Variants in CDH13 observed in about 807,000 individuals in gnomAD.
The protein encoded by CDH13 is cadherin-13.
Under a neutral mutation model 63.8 loss-of-function variants are expected in CDH13, and 24 were observed. The observed-to-expected ratio is 0.38, with a 90% CI of 0.27 to 0.53. The LOEUF (loss-of-function observed/expected upper bound fraction) is 0.53. Ranked by LOEUF, CDH13 falls within the 20% of genes least tolerant of loss-of-function variation. The pLI is 0.85. For missense variants in CDH13, 1,049 were observed against 903.1 expected (o/e 1.16, Z -2.07); for synonymous variants, 503 against 355.3 (o/e 1.42, Z -4.67).
chr16:82,939,305 T>A (rs1292914795), intron 2 of CDH13, among the ~76,000 whole-genome samples: 1 of 151,982 alleles, frequency 6.6e-6, no homozygotes, highest in Non-Finnish European at 1.5e-5. Flanking sequence ...CACCTGTAGT[T>A]CCAGCTACTC....
chr16:82,911,045 G>C (rs1384681879), intron 2 of CDH13, among the ~76,000 whole-genome samples: 1 of 152,158 alleles, frequency 6.6e-6, no homozygotes, highest in African/African-American at 2.4e-5. Flanking sequence ...GAGTAAGGCA[G>C]ACCCATCCCA....
At chr16:82,979,364 C>A (rs1405324611) in intron 2 of CDH13, among the ~76,000 whole-genome samples, 1 of 152,002 alleles carries the variant, frequency 6.6e-6, no homozygotes, top group Non-Finnish European at 1.5e-5. Flanking sequence ...AGAGTAGGGG[C>A]AGAGTGATAT....
chr16:83,292,711 C>CT (rs1385811375), intron 5 of CDH13, among the ~76,000 whole-genome samples: 3 of 152,078 alleles, frequency 2.0e-5, no homozygotes, highest in African/African-American at 7.2e-5. Flanking sequence ...AAACAACAAC[C>CT]ATGATCAGGT....
intron 13 of CDH13, among the ~76,000 whole-genome samples, chr16:83,787,800 AG>A (rs1378108709): frequency 6.6e-6 from 1 of 152,162 alleles, no homozygotes; most frequent in Non-Finnish European, 1.5e-5. Flanking sequence ...AAAATTAGCC[AG>A]GCGTGGTGGC....
At chr16:82,634,680 A>C (rs1215694387) in intron 1 of CDH13, among the ~76,000 whole-genome samples, 1 of 152,242 alleles carries the variant, frequency 6.6e-6, no homozygotes, top group Non-Finnish European at 1.5e-5. Flanking sequence ...GAAAGTATTT[A>C]CTATTTAGTC....
intron 2 of CDH13, among the ~76,000 whole-genome samples, chr16:82,877,326 T>G (rs148496655): frequency 1.3e-5 from 2 of 152,238 alleles, no homozygotes; most frequent in African/African-American, 4.8e-5. Context: ...TAAATTGATA[T>G]GCATGGATTG....
intron 1 of CDH13, among the ~76,000 whole-genome samples, chr16:82,678,189 T>A (rs1408785314): frequency 3.3e-5 from 5 of 152,154 alleles, no homozygotes; most frequent in African/African-American, 1.2e-4. Flanking sequence ...GATGGATGGA[T>A]GGGAGGATGA....
intron 6 of CDH13, among the ~76,000 whole-genome samples, chr16:83,376,815 G>A (rs1192541452): frequency 2.0e-5 from 3 of 152,146 alleles, no homozygotes; most frequent in Non-Finnish European, 4.4e-5. Flanking sequence ...AATACAATAT[G>A]TAGAAGTGAC....
chr16:83,715,501 C>G (rs1242759760), intron 10 of CDH13, among the ~76,000 whole-genome samples: 1 of 152,180 alleles, frequency 6.6e-6, no homozygotes, highest in Non-Finnish European at 1.5e-5. Context: ...AAGTCTCCTT[C>G]CTGGCAGCAG....
chr16:82,858,562 C>T (rs1419935527), intron 2 of CDH13, 89 bp downstream of exon 2: 2 of 873,638 alleles, frequency 2.3e-6, no homozygotes, highest in Non-Finnish European at 3.8e-6. Context: ...TGTGGTATTT[C>T]CTAAACTAAG....
intron 3 of CDH13, among the ~76,000 whole-genome samples, chr16:83,078,851 A>G (rs546247488): frequency 1.3e-5 from 2 of 151,956 alleles, no homozygotes; most frequent in African/African-American, 4.8e-5. Flanking sequence ...CTGGAGTGCA[A>G]TGGCGAGATC....
chr16:82,664,022 C>T lies in CDH13; in HGVS notation c.45+36885C>T, dbSNP rs1252600580. Among the ~76,000 whole-genome samples the T allele has an allele frequency of 3.3e-5, 5 of 152,146 alleles. No homozygotes were observed. In the South Asian group the frequency reaches 6.2e-4, roughly 19 times the overall value. On this transcript the variant is annotated intron_variant, in intron 1 of 13. Transcript: ENST00000567109. Reference sequence around the variant, plus strand: ...CTTCTGCCTTTGTAGCTGTGGACCACGAGGCAGTGACTTTGAAATTCAGTC... The same window carrying T: ...CTTCTGCCTTTGTAGCTGTGGACCATGAGGCAGTGACTTTGAAATTCAGTC...
At chr16:83,545,540 A>G (rs1451408961) in intron 7 of CDH13, among the ~76,000 whole-genome samples, 1 of 152,182 alleles carries the variant, frequency 6.6e-6, no homozygotes, top group African/African-American at 2.4e-5. Context: ...ATGGCTGTTC[A>G]CAACCTGCCC....
At chr16:82,864,425 G>T (rs1213994527) in intron 2 of CDH13, among the ~76,000 whole-genome samples, 2 of 152,128 alleles carry the variant, frequency 1.3e-5, no homozygotes, top group African/African-American at 4.8e-5. Flanking sequence ...ATGGCTGAGG[G>T]GTGGCCTCGG....
chr16:83,712,994 G>A (rs1908295851), intron 10 of CDH13, among the ~76,000 whole-genome samples: 1 of 152,240 alleles, frequency 6.6e-6, no homozygotes, highest in South Asian at 2.1e-4. Context: ...GGAGAGCTCT[G>A]TTGCTTTCAA....
chr16:82,948,308 T>C (rs1208114343), intron 2 of CDH13, among the ~76,000 whole-genome samples: 1 of 152,190 alleles, frequency 6.6e-6, no homozygotes, highest in East Asian at 1.9e-4. Context: ...CTTTATATTC[T>C]AAAATTGTCT....
At chr16:83,398,075 C>G (rs2091914291) in intron 6 of CDH13, 1 of 152,222 alleles carries the variant, frequency 6.6e-6, no homozygotes, top group Non-Finnish European at 1.5e-5. Context: ...GTATCCGAAG[C>G]TTGAGTGTAC....
At chr16:82,961,589 A>G (rs993997652) in intron 2 of CDH13, among the ~76,000 whole-genome samples, 5 of 151,304 alleles carry the variant, frequency 3.3e-5, no homozygotes, top group African/African-American at 1.2e-4. Flanking sequence ...AAAAAAAAAA[A>G]AAAAAAACTA....
chr16:82,627,412 C>T (rs1190069523), intron 1 of CDH13, among the ~76,000 whole-genome samples: 3 of 147,130 alleles, frequency 2.0e-5, no homozygotes, highest in African/African-American at 7.4e-5. Context: ...GAGAGAGCTC[C>T]CAGTCCTTTT....
Sources: gnomAD v4.1 joint callset for allele counts (sites outside exome capture counted in the v4.1 genomes callset) on GRCh38, gnomAD v4.1.1 for gene constraint, MANE v1.5 for transcripts, NCBI Gene and HGNC (gene_info 2026-07-23, HGNC 2026-07-21) for gene names.